Variants in DLG1 observed in about 807,000 individuals in gnomAD.
DLG1 encodes discs large MAGUK scaffold protein 1.
DLG1 carries 42 observed loss-of-function variants against 123.4 expected under a neutral mutation model. The observed-to-expected ratio is 0.34, with a 90% CI of 0.27 to 0.44. The LOEUF (loss-of-function observed/expected upper bound fraction) is 0.44, where lower values mean the gene tolerates loss of function less well. DLG1 is among the 20% of genes least tolerant of loss of function. The pLI is 1.00. For missense variants in DLG1, 942 were observed against 1,082.6 expected (o/e 0.87, Z 1.82); for synonymous variants, 317 against 356.2 (o/e 0.89, Z 1.24).
chr3:197,169,960 G>A (rs535801152), intron 5 of DLG1, among the ~76,000 whole-genome samples: 106 of 152,068 alleles, frequency 7.0e-4, no homozygotes, highest in Non-Finnish European at 1.2e-3. Flanking sequence ...CGCTCTATGC[G>A]TCCACCTGTT....
At chr3:197,147,855 A>C (rs1173877291) in intron 6 of DLG1, among the ~76,000 whole-genome samples, 2 of 146,906 alleles carry the variant, frequency 1.4e-5, no homozygotes, top group African/African-American at 2.5e-5. Context: ...TAAAATCCTG[A>C]AGTTTCCCAT....
chr3:197,247,455 G>A (rs1279637764), intron 4 of DLG1, among the ~76,000 whole-genome samples: 1 of 152,044 alleles, frequency 6.6e-6, no homozygotes, highest in Non-Finnish European at 1.5e-5. Flanking sequence ...GCTGGTTTCT[G>A]GCTTGCCCCC....
At chr3:197,185,171 A>G (rs1381383019) in intron 5 of DLG1, among the ~76,000 whole-genome samples, 1 of 152,228 alleles carries the variant, frequency 6.6e-6, no homozygotes, top group Admixed American at 6.5e-5. Flanking sequence ...AGCTGATAAG[A>G]GCATATCGTA....
Position 197,162,030 on chromosome 3 carries a change from G to T in DLG1, c.484-12234C>A, listed in dbSNP as rs146064193. 3.0e-3 allele frequency among the ~76,000 whole-genome samples: 450 copies of T among 152,150 alleles called. 5 individuals are homozygous for T. Among genetic ancestry groups the T allele is most frequent in the African/African-American group, 0.01 (434 of 41,494 alleles). On this transcript the variant is annotated intron_variant, in intron 5 of 24. Transcript: ENST00000667157. ...CATTTACAATATTCCTTCCTTCTCT[G>T]GGAGATAAGACACTTGCTTCATAGA...
In DLG1 at chr3:197,180,066, TTGG is replaced by T. The variant is rs776751136; in HGVS notation, c.483+14356_483+14358del. 4.8e-3 allele frequency among the ~76,000 whole-genome samples: 395 copies of T among 82,674 alleles called. 11 individuals carry two copies. Among genetic ancestry groups the T allele is most frequent in the African/African-American group, 0.02 (340 of 16,900 alleles). The allele number at this position is 82,674 out of a possible 152,430, so 54.2% of individuals were successfully genotyped here. ...TAATTTGGCATGTTGTGTTTTTTTT[TTGG>T]GGGGGGGGGGGCTTTTTGAGTATTT... On this transcript the variant is annotated intron_variant, in intron 5 of 24. Transcript: ENST00000667157.
chr3:197,276,297 A>C (rs1415111148), intron 4 of DLG1, among the ~76,000 whole-genome samples: 1 of 152,202 alleles, frequency 6.6e-6, no homozygotes, highest in Non-Finnish European at 1.5e-5. Context: ...ATCCCTGTAC[A>C]AATACCTTCA....
At chr3:197,225,552 G>A (rs570643775) in intron 4 of DLG1, among the ~76,000 whole-genome samples, 10 of 152,128 alleles carry the variant, frequency 6.6e-5, no homozygotes, top group Non-Finnish European at 1.0e-4. Context: ...CCAGTCCTGC[G>A]TATCAATGGT....
chr3:197,068,680 A>C (rs778717546), intron 19 of DLG1: 8 of 553,742 alleles, frequency 1.4e-5, no homozygotes, highest in Non-Finnish European at 2.6e-5. Context: ...AGTTCACTTA[A>C]TAAAACCAAG....
At chr3:197,232,241 C>T (rs543838475) in intron 4 of DLG1, among the ~76,000 whole-genome samples, 1 of 151,944 alleles carries the variant, frequency 6.6e-6, no homozygotes, top group East Asian at 1.9e-4. Flanking sequence ...TGGCTCACTC[C>T]TGTAATCCCA....
At chr3:197,228,445 T>C (rs977431309) in intron 4 of DLG1, among the ~76,000 whole-genome samples, 2 of 152,238 alleles carry the variant, frequency 1.3e-5, no homozygotes, top group African/African-American at 4.8e-5. Context: ...AATAAACATG[T>C]AATATATTCA....
intron 5 of DLG1, among the ~76,000 whole-genome samples, chr3:197,192,191 A>G (rs1019689404): frequency 2.0e-5 from 3 of 152,202 alleles, no homozygotes; most frequent in African/African-American, 7.2e-5. Flanking sequence ...AAAACAAAAA[A>G]GACAAAATGG....
intron 5 of DLG1, among the ~76,000 whole-genome samples, chr3:197,182,832 T>C (rs1561303181): frequency 6.6e-6 from 1 of 152,126 alleles, no homozygotes; most frequent in African/African-American, 2.4e-5. Flanking sequence ...AATTATTAAT[T>C]TTTCTTTATT....
chr3:197,217,342 T>C (rs937415613), intron 4 of DLG1, among the ~76,000 whole-genome samples: 1 of 152,206 alleles, frequency 6.6e-6, no homozygotes, highest in African/African-American at 2.4e-5. Context: ...TGCTTTCCAA[T>C]TATGGATCAA....
intron 4 of DLG1, among the ~76,000 whole-genome samples, chr3:197,237,708 G>A (rs367789584): frequency 6.6e-6 from 1 of 152,276 alleles, no homozygotes; most frequent in East Asian, 1.9e-4. Context: ...ACTGGCCGGG[G>A]GTAGAGGGAA....
intron 3 of DLG1, among the ~76,000 whole-genome samples, chr3:197,294,138 A>G (rs1776244516): frequency 1.3e-5 from 2 of 152,172 alleles, no homozygotes. Context: ...GAATGTATTT[A>G]TTCCGTAGTA....
At chr3:197,189,855 A>G (rs1278723304) in intron 5 of DLG1, among the ~76,000 whole-genome samples, 1 of 152,216 alleles carries the variant, frequency 6.6e-6, no homozygotes, top group African/African-American at 2.4e-5. Context: ...AGGCCATGAC[A>G]AAATGCCAGC....
intron 5 of DLG1, among the ~76,000 whole-genome samples, chr3:197,187,801 C>CAT (rs1358787216): frequency 6.6e-6 from 1 of 152,166 alleles, no homozygotes; most frequent in Non-Finnish European, 1.5e-5. Flanking sequence ...ACTACTCTTA[C>CAT]ATAACCCCAA....
chr3:197,074,426 T>C (rs1287202168), intron 18 of DLG1, among the ~76,000 whole-genome samples: 2 of 152,114 alleles, frequency 1.3e-5, no homozygotes, highest in Admixed American at 1.3e-4. Context: ...GATCATCTAT[T>C]ATAACATCAA....
At chr3:197,065,934 A>C in intron 20 of DLG1, 125 bp from the exon 21 acceptor site, 2 of 571,786 alleles carry the variant, frequency 3.5e-6, no homozygotes, top group Non-Finnish European at 6.1e-6. Context: ...TCTCCATCTC[A>C]CTCTACCATC....
Sources: allele counts gnomAD v4.1 joint callset (sites outside exome capture counted in the v4.1 genomes callset), GRCh38; gene constraint gnomAD v4.1.1; transcripts MANE v1.5; gene names NCBI Gene and HGNC (gene_info 2026-07-23, HGNC 2026-07-21).